Variants in DCC observed in about 807,000 individuals in gnomAD.
DCC encodes DCC netrin 1 receptor.
DCC carries 58 observed loss-of-function variants against 172.5 expected under a neutral mutation model. That is an observed-to-expected ratio of 0.34 (90% confidence interval 0.27 to 0.42). The LOEUF (loss-of-function observed/expected upper bound fraction) is 0.42. Among genes scored for constraint, DCC ranks in the 10% least tolerant of loss-of-function variants. The pLI is 1.00. For synonymous variants in DCC, 709 were observed against 644.5 expected, an observed-to-expected ratio of 1.10 and a Z score of -1.52; for missense variants, 1,740 against 1,791.0, an observed-to-expected ratio of 0.97 and a Z score of 0.51.
chr18:52,923,898 T>C (rs764518833), intron 4 of DCC, 41 bp downstream of exon 4: 1 of 1,411,916 alleles, frequency 7.1e-7, no homozygotes, highest in Non-Finnish European at 1.0e-6. Flanking sequence ...TGTACTTTTG[T>C]ATGGTATATG....
rs2032858283 is a variant in DCC, at chr18:52,554,537, C to A, written c.92-197517C>A. On this transcript the variant is annotated intron_variant, in intron 1 of 28. Coordinates refer to ENST00000442544, the MANE Select transcript of DCC (RefSeq NM_005215.4). ...AGATCAGTGACAGATCAGAAAAAGG[C>A]CTGTATTAGCAGAAACGTGAAAAAT... 3.3e-5 allele frequency among the ~76,000 whole-genome samples: 5 copies of A among 152,050 alleles called. No homozygotes were observed. The South Asian group carries it at 1.0e-3, about 32-fold the overall frequency.
At chr18:53,435,290 A>C in intron 22 of DCC, 81 bp downstream of exon 22, 1 of 889,144 alleles carries the variant, frequency 1.1e-6, no homozygotes, top group Non-Finnish European at 1.9e-6. Flanking sequence ...CAAATTTTCT[A>C]TCAACTACAA....
At position 53,307,909 on chromosome 18, in the gene DCC, A is replaced by G. The variant is rs1230036708; in HGVS notation, c.2053+2190A>G. ...AATGTGTGTGTATGTATATATATAT[A>G]TATATATATATATATATATATATAT... On this transcript the variant is annotated intron_variant, in intron 13 of 28. Coordinates refer to ENST00000442544, the MANE Select transcript of DCC (RefSeq NM_005215.4). 8.0e-4 allele frequency among the ~76,000 whole-genome samples: 25 copies of G among 31,292 alleles called. 1 individual carries two copies. Among genetic ancestry groups the G allele is most frequent in the African/African-American group, 1.6e-3 (12 of 7,322 alleles). 20.5% of individuals were successfully genotyped at this position (31,292 alleles called of 152,430 possible). A position where few individuals can be genotyped will look rare whatever the true frequency, so the allele number is the denominator to read the frequency against.
intron 1 of DCC, among the ~76,000 whole-genome samples, chr18:52,558,780 C>G (rs1319743827): frequency 1.3e-5 from 2 of 152,134 alleles, no homozygotes; most frequent in Non-Finnish European, 2.9e-5. Context: ...TTCTAGCCAG[C>G]ATCTGAGATG....
intron 2 of DCC, 110 bp downstream of exon 2, chr18:52,752,484 T>C (rs11877891): frequency 0.04 from 34,069 of 845,702 alleles, 844 homozygotes; most frequent in Admixed American, 0.051. Context: ...TTAAAAATCT[T>C]TTAAATTTTA....
intron 1 of DCC, among the ~76,000 whole-genome samples, chr18:52,583,677 C>A (rs1203003079): frequency 2.0e-5 from 3 of 151,964 alleles, no homozygotes; most frequent in African/African-American, 7.3e-5. Flanking sequence ...AGAATCATAG[C>A]CATAAGTCAC....
intron 7 of DCC, among the ~76,000 whole-genome samples, chr18:53,142,168 T>A (rs1387329940): frequency 6.6e-6 from 1 of 152,180 alleles, no homozygotes; most frequent in Non-Finnish European, 1.5e-5. Flanking sequence ...CTCCCTAGGA[T>A]GAAAAACAAA....
Position 52,459,258 on chromosome 18 carries a change from G to A in DCC, c.91+118380G>A, listed in dbSNP as rs542817126. 9.8e-4 allele frequency among the ~76,000 whole-genome samples: 149 copies of A among 152,030 alleles called. 1 individual carries two copies. The highest frequency in any genetic ancestry group is 3.6e-3 in the African/African-American group (148 of 41,442). On this transcript the variant is annotated intron_variant, in intron 1 of 28. Transcript: ENST00000442544. ...GCAGGTTTGTCATATAAGTGAACTT[G>A]TTCCATGTGGGTTTGTTGTACAGAT...
intron 12 of DCC, among the ~76,000 whole-genome samples, chr18:53,294,526 A>C (rs1414376547): frequency 6.6e-6 from 1 of 152,224 alleles, no homozygotes; most frequent in Admixed American, 6.5e-5. Flanking sequence ...AAGTTCAGAA[A>C]GGGTGGGTGT....
At chr18:53,088,260 G>C (rs894710961) in intron 7 of DCC, among the ~76,000 whole-genome samples, 1 of 152,106 alleles carries the variant, frequency 6.6e-6, no homozygotes, top group Non-Finnish European at 1.5e-5. Flanking sequence ...CCATTTGTTT[G>C]TATCCTCTTT....
intron 7 of DCC, among the ~76,000 whole-genome samples, chr18:53,130,278 C>A (rs1176119538): frequency 6.6e-6 from 1 of 152,042 alleles, no homozygotes; most frequent in Non-Finnish European, 1.5e-5. Context: ...TCCTAAAGAG[C>A]AGCTTTTTAA....
chr18:53,149,492 G>A (rs1245285919), intron 7 of DCC, among the ~76,000 whole-genome samples: 2 of 152,188 alleles, frequency 1.3e-5, no homozygotes, highest in African/African-American at 4.8e-5. Flanking sequence ...CAGTTCGCTA[G>A]TCAAATCTAT....
chr18:53,351,407 A>ATATATATACACTGTGTG (rs1568075142), intron 15 of DCC, among the ~76,000 whole-genome samples: 4 of 19,152 alleles, frequency 2.1e-4, no homozygotes, highest in Admixed American at 9.8e-4. Context: ...CAGTGTATAT[A>ATATATATACACTGTGTG]TATATATATA....
chr18:52,746,769 T>C lies in DCC; in HGVS notation c.92-5285T>C, dbSNP rs185618291. Among the ~76,000 whole-genome samples, 3 of 101,840 alleles carry C rather than the reference T, an allele frequency of 2.9e-5. No homozygotes were observed. In the East Asian group the frequency reaches 8.6e-4, roughly 29 times the overall value. The allele number at this position is 101,840 out of a possible 152,430, so 66.8% of individuals were successfully genotyped here. ...TGGCAATATTATTTCTGATGCTTAT[T>C]TATGTCTGAGAAAACTAAAACATAG... On this transcript the variant is annotated intron_variant, in intron 1 of 28. Coordinates refer to ENST00000442544, the MANE Select transcript of DCC (RefSeq NM_005215.4).
At chr18:52,933,883 A>G (rs933749916) in intron 5 of DCC, among the ~76,000 whole-genome samples, 1 of 152,048 alleles carries the variant, frequency 6.6e-6, no homozygotes, top group Non-Finnish European at 1.5e-5. Flanking sequence ...AAACAATGAT[A>G]ATTACTTTAT....
intron 8 of DCC, among the ~76,000 whole-genome samples, chr18:53,172,515 G>A (rs1197216253): frequency 6.6e-6 from 1 of 151,968 alleles, no homozygotes; most frequent in Non-Finnish European, 1.5e-5. Flanking sequence ...CTGTTCAAAG[G>A]GTTATGGCCA....
intron 1 of DCC, among the ~76,000 whole-genome samples, chr18:52,354,579 A>G (rs903068486): frequency 3.9e-5 from 6 of 152,180 alleles, no homozygotes; most frequent in African/African-American, 1.4e-4. Context: ...TGATAGGATA[A>G]TGTATGTATT....
At chr18:52,790,335 C>A (rs1009616603) in intron 2 of DCC, among the ~76,000 whole-genome samples, 2 of 152,152 alleles carry the variant, frequency 1.3e-5, no homozygotes, top group Non-Finnish European at 2.9e-5. Flanking sequence ...TTTGCTACAG[C>A]TTAAGACTAA....
At chr18:52,444,954 C>T (rs150274789) in intron 1 of DCC, among the ~76,000 whole-genome samples, 69 of 152,274 alleles carry the variant, frequency 4.5e-4, no homozygotes, top group Admixed American at 7.2e-4. Flanking sequence ...TCATGTGTCT[C>T]AATGAGGTCT....
Sources: allele counts gnomAD v4.1 joint callset (sites outside exome capture counted in the v4.1 genomes callset), GRCh38; gene constraint gnomAD v4.1.1; transcripts MANE v1.5; gene names NCBI Gene and HGNC (gene_info 2026-07-23, HGNC 2026-07-21).